The following HUS1 variants were observed in gnomAD, a reference collection of about 807,000 sequenced individuals.
HUS1 encodes checkpoint protein HUS1.
HUS1 carries 31 observed loss-of-function variants against 32.6 expected under a neutral mutation model. The ratio of observed to expected loss-of-function variants is 0.95; its 90% CI spans 0.72 to 1.28. HUS1 has a LOEUF of 1.28. Ranked by LOEUF, HUS1 falls within the 50% of genes most tolerant of loss-of-function variation. HUS1 has a pLI of 0.00. For synonymous variants in HUS1, 123 were observed against 116.6 expected (o/e 1.06, Z -0.36); for missense variants, 340 against 337.7 (o/e 1.01, Z -0.05).
chr7:47,969,716 G>GT (rs1402115837), intron 5 of HUS1, among the ~76,000 whole-genome samples: 1 of 152,094 alleles, frequency 6.6e-6, no homozygotes, highest in Admixed American at 6.5e-5. Context: ...ACCACGGGAA[G>GT]TAAGAGCCTC....
At position 47,965,253 on chromosome 7, in the gene HUS1, G is replaced by C; in HGVS notation, c.*103C>G. ...GAGGGACAAATAAGTACAGTGTGTCGATGTGCGGTGCTGTGAGGGCACAGA... is the reference window on the plus strand; with the variant it reads ...GAGGGACAAATAAGTACAGTGTGTCCATGTGCGGTGCTGTGAGGGCACAGA... On this transcript the variant is annotated 3_prime_UTR_variant, in exon 8 of 8. Transcript: ENST00000258774. 1.3e-6 allele frequency: 1 copy of C among 743,738 alleles called. No homozygotes were observed. Among genetic ancestry groups the C allele is most frequent in the Non-Finnish European group, 2.4e-6 (1 of 410,214 alleles). The allele number at this position is 743,738 out of a possible 1,614,324, so 46.1% of individuals were successfully genotyped here. A position where few individuals can be genotyped will look rare whatever the true frequency, so the allele number is the denominator to read the frequency against.
chr7:47,970,643 G>A (rs909148983), intron 5 of HUS1, among the ~76,000 whole-genome samples: 2 of 152,172 alleles, frequency 1.3e-5, no homozygotes, highest in African/African-American at 4.8e-5. Context: ...AGTGAATGAA[G>A]AGTTCGGCCC....
chr7:47,965,359 G>T lies in HUS1; in HGVS notation c.840C>A (p.Ser280=). Residue 280 remains serine, a synonymous_variant, in exon 8 of 8, where the codon TCC becomes TCA. Coordinates refer to ENST00000258774, the MANE Select transcript of HUS1 (RefSeq NM_004507.4). The part of the protein sequence containing the change: ...VSLQYFIPAL[S] ...TGCCAACTCCAGCGACAGGGTGCTAGGACAGCGCAGGGATGAAATACTGAA... is the reference window on the plus strand; with the variant it reads ...TGCCAACTCCAGCGACAGGGTGCTATGACAGCGCAGGGATGAAATACTGAA... 6.2e-7 allele frequency: 1 copy of T among 1,609,488 alleles called. No individual in the cohort carries two copies. Among genetic ancestry groups the T allele is most frequent in the Non-Finnish European group, 8.5e-7 (1 of 1,175,740 alleles).
At chr7:47,967,658 A>T in intron 7 of HUS1, 148 bp downstream of exon 7, 2 of 692,104 alleles carry the variant, frequency 2.9e-6, no homozygotes, top group Non-Finnish European at 4.3e-6. Context: ...AAAAAACCCC[A>T]CTGTTCTAGG....
intron 7 of HUS1, among the ~76,000 whole-genome samples, chr7:47,966,703 C>T (rs2708903): frequency 0.46 from 69,874 of 152,014 alleles, 16,805 homozygotes; most frequent in East Asian, 0.54. Flanking sequence ...CCATGCACAT[C>T]GAGGTTCTCA....
At position 47,963,825 on chromosome 7, in the gene HUS1, G is replaced by C. The variant is rs1163472973; in HGVS notation, c.*1531C>G. The C allele has an allele frequency of 6.6e-6, 1 of 151,994 alleles. No homozygotes were observed. The highest frequency in any genetic ancestry group is 1.5e-5 in the Non-Finnish European group (1 of 68,020). The allele number at this position is 151,994 out of a possible 1,614,324, so 9.4% of individuals were successfully genotyped here. On this transcript the variant is annotated 3_prime_UTR_variant, in exon 8 of 8. Transcript: ENST00000258774. ...GGAGGCTGAGGCAGGAGAATCGCTT[G>C]AACTTGGGAAGTGGAGGCTGCAGTA...
In HUS1 at chr7:47,965,647, G is replaced by C. The variant is rs550202507; in HGVS notation, c.761-209C>G. 6.6e-5 allele frequency among the ~76,000 whole-genome samples: 10 copies of C among 152,320 alleles called. No homozygotes were observed. In the East Asian group the frequency reaches 1.9e-3, roughly 30 times the overall value. ...GCACTGGCGGCTCCCTGTGCGAGGA[G>C]AGGAAAAGTGAAGCGGCCCAAGCCC... On this transcript the variant is annotated intron_variant, in intron 7 of 7. Coordinates refer to ENST00000258774, the MANE Select transcript of HUS1 (RefSeq NM_004507.4).
intron 5 of HUS1, among the ~76,000 whole-genome samples, chr7:47,970,906 G>A (rs571107341): frequency 6.6e-6 from 1 of 152,310 alleles, no homozygotes; most frequent in South Asian, 2.1e-4. Flanking sequence ...TCCTATTCCT[G>A]TGAGTCCTTC....
chr7:47,965,998 G>A (rs1170770494), intron 7 of HUS1, among the ~76,000 whole-genome samples: 1 of 152,026 alleles, frequency 6.6e-6, no homozygotes, highest in East Asian at 1.9e-4. Context: ...CGAGAGCTCG[G>A]GGAGCTGCAG....
rs1395187342 is a variant in HUS1 at position 47,976,757 on chromosome 7, T to C, written c.438A>G (p.Leu146=). ...KVIPRKLWKD[L]QEPVVPDPDV... is the part of the protein sequence containing the mutation. Reference sequence around the variant, plus strand: ...CAGGATCTGGGACCACCGGTTCTTGTAAGTCCTTCCACAATTTCCTAGGAA... The same window carrying C: ...CAGGATCTGGGACCACCGGTTCTTGCAAGTCCTTCCACAATTTCCTAGGAA... Residue 146 remains leucine (L), a synonymous_variant, in exon 4 of 8, where the codon TTA becomes TTG. Transcript: ENST00000258774. 6.2e-7 allele frequency: 1 copy of C among 1,612,882 alleles called. No homozygotes were observed. Among genetic ancestry groups the C allele is most frequent in the Non-Finnish European group, 8.5e-7 (1 of 1,178,872 alleles).
intron 6 of HUS1, 191 bp downstream of exon 6, chr7:47,969,027 CT>C: frequency 1.9e-6 from 1 of 527,624 alleles, no homozygotes; most frequent in Non-Finnish European, 3.3e-6. Flanking sequence ...GGCACAGCTT[CT>C]CCCCCTGGTG....
intron 5 of HUS1, among the ~76,000 whole-genome samples, chr7:47,969,892 C>T (rs1445393262): frequency 2.0e-5 from 3 of 152,238 alleles, no homozygotes; most frequent in African/African-American, 7.2e-5. Context: ...AATTAGAAAA[C>T]TATTTTGGTC....
At chr7:47,969,426 T>C in intron 5 of HUS1, 108 bp from the exon 6 acceptor site, 1 of 658,048 alleles carries the variant, frequency 1.5e-6, no homozygotes, top group Non-Finnish European at 2.7e-6. Context: ...CTACAAAACC[T>C]CAAAACACCT....
At chr7:47,979,341 C>G (rs976741335) in intron 1 of HUS1, 127 bp downstream of exon 1, 9 of 596,958 alleles carry the variant, frequency 1.5e-5, no homozygotes, top group Admixed American at 2.6e-5. Context: ...GCACCCCCAT[C>G]CCGGCCCCAT....
chr7:47,979,442 C>CT, intron 1 of HUS1, 26 bp downstream of exon 1: 1 of 1,613,128 alleles, frequency 6.2e-7, no homozygotes. Context: ...GTTCCTCCCT[C>CT]GCTCCTCTCC....
At chr7:47,965,718 C>A (rs1788464846) in intron 7 of HUS1, among the ~76,000 whole-genome samples, 1 of 152,176 alleles carries the variant, frequency 6.6e-6, no homozygotes, top group African/African-American at 2.4e-5. Context: ...ACCACATTCA[C>A]CCACATGAGC....
At chr7:47,968,863 G>C (rs768067547) in intron 6 of HUS1, 2 of 188,668 alleles carry the variant, frequency 1.1e-5, no homozygotes, top group Admixed American at 1.3e-4. Context: ...AAGAACAAAT[G>C]TATCTACCTT....
At chr7:47,966,491 ATGT>A (rs757064244) in intron 7 of HUS1, among the ~76,000 whole-genome samples, 3 of 152,164 alleles carry the variant, frequency 2.0e-5, no homozygotes, top group Non-Finnish European at 1.5e-5. Context: ...TCAAAGACTG[ATGT>A]TGTGCAGCGC....
rs1018539407 is a variant in HUS1, at chr7:47,965,299, C to T, written c.*57G>A. ...ACAGACCAGTGATCAGAACACAACA[C>T]CTGCGGCCTCTCCCATCCTGACAAA... is the stretch of plus-strand genomic sequence containing the variant. On this transcript the variant is annotated 3_prime_UTR_variant, in exon 8 of 8. Coordinates refer to ENST00000258774, the MANE Select transcript of HUS1 (RefSeq NM_004507.4). 5 of 1,137,100 alleles carry T rather than the reference C, an allele frequency of 4.4e-6. No homozygotes were observed. The highest frequency in any genetic ancestry group is 1.7e-5 in the Admixed American group (1 of 59,292). 70.4% of individuals were successfully genotyped at this position (1,137,100 alleles called of 1,614,324 possible). A position where few individuals can be genotyped will look rare whatever the true frequency, so the allele number is the denominator to read the frequency against.
Sources: gnomAD v4.1 joint callset for allele counts (sites outside exome capture counted in the v4.1 genomes callset) on GRCh38, gnomAD v4.1.1 for gene constraint, MANE v1.5 for transcripts, NCBI Gene and HGNC (gene_info 2026-07-23, HGNC 2026-07-21) for gene names.